Variants in HS2ST1 observed in about 807,000 individuals in gnomAD.
HS2ST1 encodes heparan sulfate 2-O-sulfotransferase 1, also known as 2-O-sulfotransferase.
Under a neutral mutation model 42.9 loss-of-function variants are expected in HS2ST1, and 18 were observed. That is an observed-to-expected ratio of 0.42 (90% CI 0.29 to 0.62). The LOEUF (loss-of-function observed/expected upper bound fraction) is 0.62. Ranked by LOEUF, HS2ST1 falls within the 20% of genes least tolerant of loss-of-function variation. HS2ST1 has a pLI of 0.21. For missense variants in HS2ST1, 334 were observed against 433.8 expected (o/e 0.77, Z 2.04); for synonymous variants, 146 against 152.9 (o/e 0.95, Z 0.33).
At chr1:87,081,416 A>G (rs572989527) in intron 2 of HS2ST1, among the ~76,000 whole-genome samples, 3 of 152,360 alleles carry the variant, frequency 2.0e-5, no homozygotes, top group South Asian at 2.1e-4. Context: ...ACACATGGAA[A>G]TTAAACAACG....
At chr1:87,083,698 A>G (rs774844042) in intron 2 of HS2ST1, among the ~76,000 whole-genome samples, 43 of 152,102 alleles carry the variant, frequency 2.8e-4, no homozygotes, top group Non-Finnish European at 3.1e-4. Context: ...TTAACTCTTA[A>G]ATATCTTCTG....
At chr1:86,967,016 T>C (rs1648067307) in intron 1 of HS2ST1, among the ~76,000 whole-genome samples, 1 of 152,056 alleles carries the variant, frequency 6.6e-6, no homozygotes, top group African/African-American at 2.4e-5. Context: ...ATCAGCCTCC[T>C]GAGTAGCTGG....
At chr1:87,055,759 A>G (rs1443642581) in intron 1 of HS2ST1, among the ~76,000 whole-genome samples, 1 of 152,202 alleles carries the variant, frequency 6.6e-6, no homozygotes, top group Non-Finnish European at 1.5e-5. Flanking sequence ...GGTAAAAAGC[A>G]TTGGTGGTAC....
chr1:86,975,793 A>G (rs1648382537), intron 1 of HS2ST1, among the ~76,000 whole-genome samples: 1 of 152,196 alleles, frequency 6.6e-6, no homozygotes, highest in Non-Finnish European at 1.5e-5. Flanking sequence ...TCAATGGAAA[A>G]GTTTATAAAT....
intron 2 of HS2ST1, among the ~76,000 whole-genome samples, chr1:87,076,049 A>C (rs966604898): frequency 6.6e-6 from 1 of 152,216 alleles, no homozygotes; most frequent in African/African-American, 2.4e-5. Flanking sequence ...AGTTAAAATA[A>C]AACATCAATT....
At chr1:87,056,198 C>T (rs1396673911) in intron 1 of HS2ST1, among the ~76,000 whole-genome samples, 2 of 152,146 alleles carry the variant, frequency 1.3e-5, no homozygotes, top group African/African-American at 2.4e-5. Flanking sequence ...ACAATGAGAT[C>T]AGGTTGTTAT....
intron 1 of HS2ST1, among the ~76,000 whole-genome samples, chr1:86,929,803 G>A (rs1349790490): frequency 3.3e-5 from 5 of 151,742 alleles, no homozygotes; most frequent in Admixed American, 6.6e-5. Context: ...TTTTCCCATG[G>A]TGATTCATTG....
At chr1:87,086,128 C>A (rs1326515547) in intron 3 of HS2ST1, among the ~76,000 whole-genome samples, 1 of 152,136 alleles carries the variant, frequency 6.6e-6, no homozygotes, top group Non-Finnish European at 1.5e-5. Context: ...TAGCCATATG[C>A]TCCATAAATG....
chr1:86,938,946 T>G (rs1660710306), intron 1 of HS2ST1, among the ~76,000 whole-genome samples: 1 of 152,200 alleles, frequency 6.6e-6, no homozygotes, highest in South Asian at 2.1e-4. Flanking sequence ...CAGACTAGAT[T>G]TGGTTTTCTA....
At chr1:87,054,123 C>T (rs1650900792) in intron 1 of HS2ST1, among the ~76,000 whole-genome samples, 1 of 152,152 alleles carries the variant, frequency 6.6e-6, no homozygotes, top group Non-Finnish European at 1.5e-5. Context: ...ATCTCTCCCT[C>T]ATACTAACCC....
intron 4 of HS2ST1, among the ~76,000 whole-genome samples, chr1:87,094,904 TCTTA>T (rs571404227): frequency 1.8e-4 from 28 of 152,282 alleles, no homozygotes; most frequent in South Asian, 1.0e-3. Flanking sequence ...TATTGCATTG[TCTTA>T]CTTCTTATGA....
At chr1:86,953,966 A>G (rs1647598454) in intron 1 of HS2ST1, among the ~76,000 whole-genome samples, 1 of 147,734 alleles carries the variant, frequency 6.8e-6, no homozygotes, top group South Asian at 2.1e-4. Context: ...TATTAAGTTC[A>G]CTGTTTTATG....
intron 1 of HS2ST1, among the ~76,000 whole-genome samples, chr1:86,979,497 A>G (rs879618611): frequency 1.1e-4 from 17 of 152,324 alleles, no homozygotes; most frequent in Middle Eastern, 3.4e-3. Context: ...TTCACTCAAC[A>G]TAATGTCTTC....
intron 1 of HS2ST1, chr1:86,934,821 G>A (rs907254429): frequency 1.3e-5 from 2 of 150,882 alleles, no homozygotes; most frequent in African/African-American, 2.4e-5. Flanking sequence ...CCAGCTACTT[G>A]GGAGACAGAG....
intron 3 of HS2ST1, among the ~76,000 whole-genome samples, chr1:87,087,457 A>G (rs978625808): frequency 1.1e-4 from 16 of 152,102 alleles, no homozygotes; most frequent in Middle Eastern, 3.2e-3. Flanking sequence ...ATGAGTTTTC[A>G]TTGCTGCCAT....
At chr1:86,955,671 T>A (rs1207234144) in intron 1 of HS2ST1, among the ~76,000 whole-genome samples, 1 of 152,168 alleles carries the variant, frequency 6.6e-6, no homozygotes, top group Non-Finnish European at 1.5e-5. Flanking sequence ...TTTGGTTTTC[T>A]TGTAATTGAA....
At chr1:87,053,485 TTA>T (rs1457372306) in intron 1 of HS2ST1, among the ~76,000 whole-genome samples, 1 of 152,202 alleles carries the variant, frequency 6.6e-6, no homozygotes, top group Non-Finnish European at 1.5e-5. Context: ...TAAAAATTTT[TTA>T]ATGTCTTCCT....
rs55739816 is a variant in HS2ST1 at position 86,990,836 on chromosome 1, A to AT, written c.124+75699dup. On this transcript the variant is annotated intron_variant, in intron 1 of 6. Coordinates refer to ENST00000370550, the MANE Select transcript of HS2ST1 (RefSeq NM_012262.4). ...TTTATATATATATATATATATATAT[A>AT]TTTTTTTTTTTTTTTTTTTTTTTAG... 1.7e-3 allele frequency among the ~76,000 whole-genome samples: 76 copies of AT among 44,242 alleles called. 3 individuals carry two copies. Among genetic ancestry groups the AT allele is most frequent in the African/African-American group, 5.9e-3 (75 of 12,634 alleles). 29.0% of individuals were successfully genotyped at this position (44,242 alleles called of 152,430 possible).
intron 1 of HS2ST1, among the ~76,000 whole-genome samples, chr1:87,043,628 C>T (rs1419655749): frequency 6.6e-5 from 10 of 152,042 alleles, no homozygotes; most frequent in Non-Finnish European, 1.2e-4. Flanking sequence ...TGTATGTCTG[C>T]ACCCTGCCTT....
Sources: gnomAD v4.1 joint callset for allele counts (sites outside exome capture counted in the v4.1 genomes callset) on GRCh38, gnomAD v4.1.1 for gene constraint, MANE v1.5 for transcripts, NCBI Gene and HGNC (gene_info 2026-07-23, HGNC 2026-07-21) for gene names.